MTMR3: variants seen among roughly 807,000 people sequenced by gnomAD.
MTMR3 encodes the protein phosphatidylinositol-3,5-bisphosphate 3-phosphatase MTMR3.
A neutral mutation model predicts 132.4 loss-of-function variants in MTMR3; 32 were observed. The observed-to-expected ratio is 0.24, with a 90% confidence interval of 0.18 to 0.32. MTMR3 has a LOEUF of 0.32. Among genes scored for constraint, MTMR3 ranks in the 10% least tolerant of loss-of-function variants. MTMR3 has a pLI of 1.00. For synonymous variants in MTMR3, 556 were observed against 550.3 expected, an observed-to-expected ratio of 1.01 and a Z score of -0.14; for missense variants, 1,216 against 1,489.6, an observed-to-expected ratio of 0.82 and a Z score of 3.02.
At chr22:30,007,726 CAT>C in intron 10 of MTMR3, 173 bp from the exon 11 acceptor site, 1 of 723,744 alleles carries the variant, frequency 1.4e-6, no homozygotes, top group African/African-American at 1.8e-5. Context: ...TCTCATCTTT[CAT>C]AAGAAGGCCA....
intron 3 of MTMR3, 67 bp from the exon 4 acceptor site, chr22:29,978,375 T>A (rs751540493): frequency 8.2e-6 from 10 of 1,219,780 alleles, no homozygotes; most frequent in Non-Finnish European, 1.2e-5. Context: ...CTAGCAGATA[T>A]GGCAGAAAAA....
chr22:29,926,785 A>G (rs1275354114), intron 1 of MTMR3, among the ~76,000 whole-genome samples: 1 of 152,206 alleles, frequency 6.6e-6, no homozygotes, highest in African/African-American at 2.4e-5. Context: ...GAAGTTCCTT[A>G]TCCTTGGGTT....
intron 3 of MTMR3, among the ~76,000 whole-genome samples, chr22:29,975,526 A>G (rs2060200763): frequency 2.0e-5 from 3 of 152,240 alleles, no homozygotes; most frequent in South Asian, 2.1e-4. Context: ...AAGTAGTTAA[A>G]AAAAGGAAGA....
At position 30,028,291 on chromosome 22, in the gene MTMR3, GTTC is replaced by G. The variant is rs2145995859; in HGVS notation, c.*2493_*2495del. 1 of 152,524 alleles carries G rather than the reference GTTC, an allele frequency of 6.6e-6. No homozygotes were observed. The highest frequency in any genetic ancestry group is 1.9e-4 in the East Asian group (1 of 5,324). 9.4% of individuals were successfully genotyped at this position (152,524 alleles called of 1,614,324 possible). On this transcript the variant is annotated 3_prime_UTR_variant, in exon 20 of 20. Coordinates refer to ENST00000401950, the MANE Select transcript of MTMR3 (RefSeq NM_021090.4). ...GGGTGAGAAAATGCTTCTGCCTGTT[GTTC>G]TTGAAGGATAGACTATGGGTGGGCA...
At position 30,016,712 on chromosome 22, in the gene MTMR3, A is replaced by C; in HGVS notation, c.1674+14A>C. The C allele has an allele frequency of 6.2e-7, 1 of 1,605,378 alleles. No homozygotes were observed. The highest frequency in any genetic ancestry group is 1.1e-5 in the South Asian group (1 of 89,768). ...CAGTCAGAAGCCGTATGTATCCTTC[A>C]GCCTTTCCACTGTGGTCAGCAGAAG... On this transcript the variant is annotated intron_variant, in intron 15 of 19. Transcript: ENST00000401950.
chr22:29,925,846 C>T lies in MTMR3; in HGVS notation c.-137-31190C>T, dbSNP rs149173440. ...ATGAGAATCACTTGAACTCAAGATG[C>T]GGAGGTTGCAATGAGCTGAGATCAA... On this transcript the variant is annotated intron_variant, in intron 1 of 19. Coordinates refer to ENST00000401950, the MANE Select transcript of MTMR3 (RefSeq NM_021090.4). 4.5e-3 allele frequency among the ~76,000 whole-genome samples: 691 copies of T among 152,164 alleles called. 6 individuals carry two copies. The highest frequency in any genetic ancestry group is 0.016 in the African/African-American group (648 of 41,510).
At position 30,020,014 on chromosome 22, in the gene MTMR3, A is replaced by G. The variant is rs199514470; in HGVS notation, c.2355A>G (p.Gly785=). ...LLSSLQVPPR[G]EDSLEVPVEQ... ...GTTCTCTCCAGGTCCCCCCCAGGGG[A>G]GAGGATTCCCTGGAGGTCCCTGTGG... is the stretch of plus-strand genomic sequence containing the variant. Residue 785 remains glycine (G), a synonymous_variant, in exon 17 of 20, where the codon GGA becomes GGG. Coordinates refer to ENST00000401950, the MANE Select transcript of MTMR3 (RefSeq NM_021090.4). The G allele has an allele frequency of 8.1e-6, 13 of 1,614,122 alleles. No homozygotes were observed. The highest frequency in any genetic ancestry group is 1.3e-5 in the African/African-American group (1 of 75,030).
At chr22:29,892,373 C>T (rs1433512037) in intron 1 of MTMR3, among the ~76,000 whole-genome samples, 3 of 151,940 alleles carry the variant, frequency 2.0e-5, no homozygotes, top group Admixed American at 6.6e-5. Flanking sequence ...TTTGGAAAGC[C>T]GTTTGGCTGT....
intron 1 of MTMR3, among the ~76,000 whole-genome samples, chr22:29,954,763 G>A (rs762514548): frequency 5.3e-5 from 8 of 152,012 alleles, no homozygotes; most frequent in Non-Finnish European, 8.8e-5. Context: ...CTTGCCCTTC[G>A]ACTTGACCTG....
chr22:29,930,172 G>C (rs751267267), intron 1 of MTMR3, among the ~76,000 whole-genome samples: 1 of 152,060 alleles, frequency 6.6e-6, no homozygotes, highest in Admixed American at 6.5e-5. Context: ...AATTCACTTC[G>C]TATATTTTGG....
intron 5 of MTMR3, chr22:29,983,339 G>A (rs185074892): frequency 1.1e-4 from 17 of 152,200 alleles, no homozygotes; most frequent in African/African-American, 3.9e-4. Context: ...TTTTGGAGAC[G>A]GAGTTTCACT....
intron 1 of MTMR3, 63 bp from the exon 2 acceptor site, chr22:29,956,973 A>G (rs572165709): frequency 1.3e-5 from 2 of 152,444 alleles, no homozygotes; most frequent in African/African-American, 4.8e-5. Context: ...GGGGAGATCT[A>G]AGTGGCTTAA....
chr22:29,985,067 A>G (rs888424170), intron 5 of MTMR3: 2 of 152,232 alleles, frequency 1.3e-5, no homozygotes, highest in Non-Finnish European at 2.9e-5. Context: ...ATCTCTAGTT[A>G]TAGAAATGTT....
chr22:29,943,432 C>T (rs12627856), intron 1 of MTMR3, among the ~76,000 whole-genome samples: 15,455 of 152,076 alleles, frequency 0.1, 808 homozygotes, highest in Middle Eastern at 0.14. Context: ...CCTCGTGATC[C>T]GCCCGTCTCG....
intron 1 of MTMR3, among the ~76,000 whole-genome samples, chr22:29,930,299 C>G (rs1049638936): frequency 6.6e-6 from 1 of 152,188 alleles, no homozygotes; most frequent in Non-Finnish European, 1.5e-5. Flanking sequence ...CAGTGAACCA[C>G]TGATCATATC....
intron 1 of MTMR3, among the ~76,000 whole-genome samples, chr22:29,947,913 A>G (rs1180626881): frequency 3.3e-5 from 5 of 152,152 alleles, no homozygotes; most frequent in Admixed American, 3.3e-4. Flanking sequence ...TGGCCATTTA[A>G]TAATCTGAGA....
chr22:29,889,026 G>C (rs2064738272), intron 1 of MTMR3, among the ~76,000 whole-genome samples: 1 of 151,920 alleles, frequency 6.6e-6, no homozygotes, highest in Admixed American at 6.6e-5. Context: ...GATAAATCAT[G>C]ACATAACTGG....
chr22:29,986,514 C>A, intron 5 of MTMR3: 15 of 743,696 alleles, frequency 2.0e-5, no homozygotes, highest in African/African-American at 4.2e-5. Context: ...TTTTTTTTTT[C>A]CTTCTTAGAT....
At chr22:29,902,997 C>T (rs148523050) in intron 1 of MTMR3, among the ~76,000 whole-genome samples, 2,857 of 152,244 alleles carry the variant, frequency 0.019, 85 homozygotes, top group African/African-American at 0.065. Context: ...CCGAGGAGGG[C>T]AGATCACTTG....
Sources: gnomAD v4.1 joint callset for allele counts (sites outside exome capture counted in the v4.1 genomes callset) on GRCh38, gnomAD v4.1.1 for gene constraint, MANE v1.5 for transcripts, NCBI Gene and HGNC (gene_info 2026-07-23, HGNC 2026-07-21) for gene names.